The following ACSS3 variants were observed in gnomAD, a reference collection of about 807,000 sequenced individuals.
ACSS3 encodes acyl-CoA synthetase short chain family member 3.
ACSS3 carries 64 observed loss-of-function variants against 84.2 expected under a neutral mutation model. The ratio of observed to expected loss-of-function variants is 0.76; its 90% CI spans 0.62 to 0.94. ACSS3 has a LOEUF of 0.94. ACSS3 is among the 40% of genes least tolerant of loss of function. The probability of loss-of-function intolerance (pLI) is 0.00; values close to 1 mark genes in which losing one functional copy is unlikely to be tolerated. For missense variants in ACSS3, 815 were observed against 867.6 expected (o/e 0.94, Z 0.76); for synonymous variants, 317 against 310.1 (o/e 1.02, Z -0.23).
At position 81,134,998 on chromosome 12, in the gene ACSS3, T is replaced by C. The variant is rs751388588; in HGVS notation, c.639T>C (p.His213=). Residue 213 remains histidine (H), a synonymous_variant, in exon 3 of 16, where the codon CAT becomes CAC. Transcript: ENST00000548058. ...AAGAACTAAGTAGTCGCATTGATCA[T>C]GTAAAGGTAAGTGCTTTATTTTGGG... The part of the protein sequence containing the change: ...ASKELSSRID[H]VKPKVVVTAS... 3.8e-6 allele frequency: 6 copies of C among 1,593,194 alleles called. No individual in the cohort carries two copies. Among genetic ancestry groups the C allele is most frequent in the Non-Finnish European group, 5.1e-6 (6 of 1,168,254 alleles).
chr12:81,209,689 A>G (rs1464049393), intron 9 of ACSS3, among the ~76,000 whole-genome samples: 1 of 152,214 alleles, frequency 6.6e-6, no homozygotes, highest in African/African-American at 2.4e-5. Flanking sequence ...GTGCTACTCC[A>G]TAGGAAGAGC....
chr12:81,258,204 C>CTGAT lies in ACSS3; in HGVS notation c.*3283_*3286dup. 6.6e-6 allele frequency: 1 copy of CTGAT among 152,174 alleles called. No homozygotes were observed. Among genetic ancestry groups the CTGAT allele is most frequent in the Non-Finnish European group, 1.5e-5 (1 of 68,000 alleles). 9.4% of individuals were successfully genotyped at this position (152,174 alleles called of 1,614,324 possible). Reference sequence around the variant, plus strand: ...TTGGGTCACCCAAAGAACACATTTCCTGATAGTTTAAGTAAATTGTCGAGC... The same window carrying CTGAT: ...TTGGGTCACCCAAAGAACACATTTCCTGATTGATAGTTTAAGTAAATTGTCGAGC... On this transcript the variant is annotated 3_prime_UTR_variant, in exon 16 of 16. Coordinates refer to ENST00000548058, the MANE Select transcript of ACSS3 (RefSeq NM_024560.4).
At chr12:81,211,741 A>G (rs1233331531) in intron 9 of ACSS3, among the ~76,000 whole-genome samples, 1 of 152,204 alleles carries the variant, frequency 6.6e-6, no homozygotes, top group Admixed American at 6.5e-5. Context: ...TTATATTTAC[A>G]TTGTTATGAT....
intron 1 of ACSS3, among the ~76,000 whole-genome samples, chr12:81,106,887 G>T (rs1323490005): frequency 6.6e-6 from 1 of 151,794 alleles, no homozygotes; most frequent in Non-Finnish European, 1.5e-5. Flanking sequence ...GGAGAGTGAG[G>T]GTACAAATCT....
intron 2 of ACSS3, among the ~76,000 whole-genome samples, chr12:81,129,518 A>C (rs1226995158): frequency 2.6e-5 from 4 of 152,140 alleles, no homozygotes; most frequent in Non-Finnish European, 5.9e-5. Context: ...TACTAAATTT[A>C]ATATGCTGGT....
chr12:81,225,086 A>G (rs1012715313), intron 11 of ACSS3, among the ~76,000 whole-genome samples: 8 of 151,824 alleles, frequency 5.3e-5, no homozygotes, highest in Non-Finnish European at 7.4e-5. Flanking sequence ...AGGGTTCAGT[A>G]CTACCATGGT....
chr12:81,160,977 A>C (rs937937938), intron 7 of ACSS3, among the ~76,000 whole-genome samples: 7 of 152,236 alleles, frequency 4.6e-5, no homozygotes, highest in African/African-American at 1.7e-4. Flanking sequence ...ATTTAGAATA[A>C]TTCCCACGAT....
At chr12:81,102,747 T>C (rs1882624122) in intron 1 of ACSS3, among the ~76,000 whole-genome samples, 1 of 151,848 alleles carries the variant, frequency 6.6e-6, no homozygotes, top group Admixed American at 6.6e-5. Context: ...GAGAACTGCT[T>C]GAGCCTGGGA....
intron 7 of ACSS3, among the ~76,000 whole-genome samples, chr12:81,170,498 A>G (rs7313397): frequency 0.46 from 69,715 of 151,946 alleles, 16,549 homozygotes; most frequent in Non-Finnish European, 0.52. Context: ...TTTTGGCTTC[A>G]TCATTGTAGA....
chr12:81,209,534 T>A (rs770349969), intron 9 of ACSS3, among the ~76,000 whole-genome samples: 7 of 152,106 alleles, frequency 4.6e-5, no homozygotes, highest in Non-Finnish European at 8.8e-5. Context: ...ACCCGGACAG[T>A]ATTCAGTGAT....
chr12:81,195,549 AT>A (rs1364748563), intron 8 of ACSS3, among the ~76,000 whole-genome samples: 2 of 152,068 alleles, frequency 1.3e-5, no homozygotes, highest in Admixed American at 1.3e-4. Context: ...CTTAAATTTT[AT>A]CTCAAATTGC....
chr12:81,230,200 A>G (rs2033411224), intron 11 of ACSS3, among the ~76,000 whole-genome samples: 1 of 151,876 alleles, frequency 6.6e-6, no homozygotes, highest in South Asian at 2.1e-4. Flanking sequence ...TACAGTATTG[A>G]AAATTCCAAA....
At chr12:81,087,731 T>C (rs1034126083) in intron 1 of ACSS3, among the ~76,000 whole-genome samples, 1 of 152,054 alleles carries the variant, frequency 6.6e-6, no homozygotes, top group Admixed American at 6.6e-5. Context: ...AAACCACAAA[T>C]ACCTAGACTG....
intron 11 of ACSS3, 111 bp downstream of exon 11, chr12:81,220,187 C>T (rs2135948741): frequency 1.9e-6 from 1 of 526,464 alleles, no homozygotes; most frequent in East Asian, 3.3e-5. Flanking sequence ...GTAGAAAGAA[C>T]TTGTGTGTTG....
chr12:81,140,863 T>C (rs925763020), intron 4 of ACSS3, among the ~76,000 whole-genome samples: 1 of 152,216 alleles, frequency 6.6e-6, no homozygotes. Context: ...ACATGTAATT[T>C]GTTCAGAACT....
At chr12:81,093,620 A>G (rs1354363526) in intron 1 of ACSS3, among the ~76,000 whole-genome samples, 1 of 151,876 alleles carries the variant, frequency 6.6e-6, no homozygotes, top group Non-Finnish European at 1.5e-5. Context: ...TTTTTTGGAA[A>G]TAATTATAGA....
At chr12:81,210,569 T>C (rs577820588) in intron 9 of ACSS3, among the ~76,000 whole-genome samples, 3 of 152,268 alleles carry the variant, frequency 2.0e-5, no homozygotes, top group Admixed American at 6.5e-5. Context: ...CAAACTGATA[T>C]GGGGATGCTA....
At chr12:81,192,459 C>T (rs1374039053) in intron 8 of ACSS3, among the ~76,000 whole-genome samples, 1 of 152,090 alleles carries the variant, frequency 6.6e-6, no homozygotes, top group African/African-American at 2.4e-5. Flanking sequence ...GTTTTAATAT[C>T]CCCACAGAGT....
At chr12:81,187,232 T>C (rs575336781) in intron 8 of ACSS3, among the ~76,000 whole-genome samples, 2 of 151,738 alleles carry the variant, frequency 1.3e-5, no homozygotes, top group Admixed American at 6.6e-5. Context: ...TGAACAGATA[T>C]TCAGATGAAC....
Sources: gnomAD v4.1 joint callset for allele counts (sites outside exome capture counted in the v4.1 genomes callset) on GRCh38, gnomAD v4.1.1 for gene constraint, MANE v1.5 for transcripts, NCBI Gene and HGNC (gene_info 2026-07-23, HGNC 2026-07-21) for gene names.